The following NEAT1 variants were observed in gnomAD, a reference collection of about 807,000 sequenced individuals.
NEAT1 encodes MENepsilon/beta.
At chr11:65,429,073 A>G (rs1176676459) in exon 1 of NEAT1, 1 of 152,160 alleles carries the variant, frequency 6.6e-6, no homozygotes, top group Non-Finnish European at 1.5e-5. Context: ...GCATGGCTGT[A>G]TCAATTTAAA....
At chr11:65,438,550 T>C (rs1856686441) in exon 1 of NEAT1, 1 of 152,192 alleles carries the variant, frequency 6.6e-6, no homozygotes, top group Non-Finnish European at 1.5e-5. Context: ...CTCCCCCTAG[T>C]CTTTGGTAAC....
chr11:65,432,715 TG>T (rs1388199645), exon 1 of NEAT1: 2 of 151,194 alleles, frequency 1.3e-5, no homozygotes, highest in Non-Finnish European at 2.9e-5. Flanking sequence ...CAATGGCTTT[TG>T]GGGTACAAAT....
At chr11:65,429,481 G>C (rs1152616) in exon 1 of NEAT1, 16,201 of 134,608 alleles carry the variant, frequency 0.12, 1,106 homozygotes, top group Middle Eastern at 0.26. Flanking sequence ...GGCCATTTGT[G>C]GTGTGTGTGT....
exon 1 of NEAT1, chr11:65,423,695 C>T (rs1007701228): frequency 1.3e-5 from 2 of 152,268 alleles, no homozygotes; most frequent in African/African-American, 4.8e-5. Flanking sequence ...TCACTCCACC[C>T]CTTCTTCCTC....
exon 1 of NEAT1, chr11:65,431,554 A>T (rs1428668175): frequency 1.3e-5 from 2 of 152,196 alleles, no homozygotes; most frequent in African/African-American, 4.8e-5. Flanking sequence ...AGGTTCCCAC[A>T]TCCTCCCCAA....
exon 1 of NEAT1, chr11:65,433,195 A>G (rs1856628314): frequency 6.6e-6 from 1 of 152,172 alleles, no homozygotes; most frequent in Non-Finnish European, 1.5e-5. Context: ...TCCTTTGGGT[A>G]GATACCCAGG....
chr11:65,443,960 G>A (rs1856739697), exon 1 of NEAT1: 1 of 166,306 alleles, frequency 6.0e-6, no homozygotes, highest in Admixed American at 6.4e-5. Flanking sequence ...AGTGTGTTTT[G>A]ACTGCCCCCA....
At chr11:65,433,264 A>G (rs1856628888) in exon 1 of NEAT1, 1 of 152,182 alleles carries the variant, frequency 6.6e-6, no homozygotes, top group Admixed American at 6.5e-5. Context: ...ATTTCTGGAA[A>G]TTTTAGGCTC....
chr11:65,434,130 C>T (rs886861058), exon 1 of NEAT1: 1 of 152,128 alleles, frequency 6.6e-6, no homozygotes, highest in Non-Finnish European at 1.5e-5. Context: ...CTGGATAGAG[C>T]TCATCATGTG....
exon 1 of NEAT1, chr11:65,436,142 G>C (rs1345180024): frequency 6.6e-6 from 1 of 152,188 alleles, no homozygotes; most frequent in Non-Finnish European, 1.5e-5. Context: ...TTACCTCATA[G>C]GGTCACTCAT....
chr11:65,441,804 T>C (rs976853072), exon 1 of NEAT1: 3 of 152,256 alleles, frequency 2.0e-5, no homozygotes, highest in East Asian at 1.9e-4. Flanking sequence ...GTTGTGTTAC[T>C]CTTTTTCTAG....
exon 1 of NEAT1, chr11:65,431,567 C>T (rs1055018007): frequency 2.0e-5 from 3 of 152,184 alleles, no homozygotes; most frequent in African/African-American, 7.2e-5. Flanking sequence ...CTCCCCAACA[C>T]TTGTTATTTT....
At chr11:65,441,242 C>G (rs1856711412) in exon 1 of NEAT1, 1 of 152,266 alleles carries the variant, frequency 6.6e-6, no homozygotes, top group Non-Finnish European at 1.5e-5. Flanking sequence ...ACCCTCTGCA[C>G]TGCAGGCTGC....
exon 1 of NEAT1, chr11:65,428,072 A>T (rs1441153637): frequency 6.6e-6 from 1 of 152,192 alleles, no homozygotes; most frequent in African/African-American, 2.4e-5. Context: ...ATCAGGTGAG[A>T]TCGACAGGAG....
exon 1 of NEAT1, chr11:65,427,781 C>G (rs905129700): frequency 6.6e-6 from 1 of 152,166 alleles, no homozygotes; most frequent in African/African-American, 2.4e-5. Context: ...CTCCTTGTTT[C>G]TCGTCCTGTT....
exon 1 of NEAT1, chr11:65,444,399 T>C (rs915338996): frequency 2.1e-6 from 1 of 465,734 alleles, no homozygotes; most frequent in African/African-American, 2.0e-5. Context: ...CACCCAGCTC[T>C]CACCCTGGCC....
chr11:65,427,971 A>G (rs895906476), exon 1 of NEAT1: 2 of 152,208 alleles, frequency 1.3e-5, no homozygotes, highest in Non-Finnish European at 2.9e-5. Flanking sequence ...CAGAGAGGTG[A>G]GGCCGACTGC....
At chr11:65,445,409 T>C (rs529365961) in exon 1 of NEAT1, 83 of 151,208 alleles carry the variant, frequency 5.5e-4, no homozygotes, top group African/African-American at 1.9e-3. Context: ...AGGTAGGAGG[T>C]GAGCCTGGGA....
chr11:65,427,192 G>C (rs960671252), exon 1 of NEAT1: 1 of 152,316 alleles, frequency 6.6e-6, no homozygotes, highest in Non-Finnish European at 1.5e-5. Flanking sequence ...TTGCACTGCT[G>C]TTCTGTGTTA....
Sources: allele counts gnomAD v4.1 joint callset, GRCh38; gene constraint gnomAD v4.1.1; transcripts MANE v1.5; gene names NCBI Gene and HGNC (gene_info 2026-07-23, HGNC 2026-07-21).